COPZ2: variants seen among roughly 807,000 people sequenced by gnomAD.
The protein encoded by COPZ2 is coatomer subunit zeta-2.
A neutral mutation model predicts 33.2 loss-of-function variants in COPZ2; 30 were observed. That is an observed-to-expected ratio of 0.90 (90% CI 0.68 to 1.23). The LOEUF is 1.23. Ranked by LOEUF, COPZ2 falls within the 50% of genes most tolerant of loss-of-function variation. The pLI is 0.00. For synonymous variants in COPZ2, 89 were observed against 102.6 expected (o/e 0.87, Z 0.80); for missense variants, 263 against 262.4 (o/e 1.00, Z -0.02).
Position 48,037,061 on chromosome 17 carries a change from C to A in COPZ2, c.112-136G>T. Reference sequence around the variant, plus strand: ...CTCAAGGTCCACAGCTGGTTCTGCCCAGCCCTGTGCCACATGGGCCAACCC... The same window carrying A: ...CTCAAGGTCCACAGCTGGTTCTGCCAAGCCCTGTGCCACATGGGCCAACCC... On this transcript the variant is annotated intron_variant, in intron 1 of 8. Transcript: ENST00000621465. The surrounding 1 kb of genome is among the most constrained non-coding windows in gnomAD (Gnocchi z 5.6). 1 of 846,454 alleles carries A rather than the reference C, an allele frequency of 1.2e-6. No individual in the cohort carries two copies. The highest frequency in any genetic ancestry group is 1.4e-5 in the South Asian group (1 of 71,286). 52.4% of individuals were successfully genotyped at this position (846,454 alleles called of 1,614,324 possible).
At chr17:48,042,219 C>T (rs58844347), upstream of COPZ2, among the ~76,000 whole-genome samples, 46 of 150,218 alleles carry the variant, frequency 3.1e-4, no homozygotes, top group East Asian at 7.5e-3. Flanking sequence ...CTGCAATCTC[C>T]GCCTCCCAGG....
intron 6 of COPZ2, chr17:48,031,908 G>C (rs1209141025): frequency 3.6e-6 from 2 of 554,984 alleles, no homozygotes; most frequent in Middle Eastern, 4.0e-4. Context: ...CTATTCAACA[G>C]TCTCCCATAG....
At position 48,037,635 on chromosome 17, in the gene COPZ2, G is replaced by T; in HGVS notation, c.111+32C>A. 2 of 1,074,528 alleles carry T rather than the reference G, an allele frequency of 1.9e-6. No homozygotes were observed. Among genetic ancestry groups the T allele is most frequent in the Non-Finnish European group, 1.1e-6 (1 of 887,814 alleles). 66.6% of individuals were successfully genotyped at this position (1,074,528 alleles called of 1,614,324 possible). On this transcript the variant is annotated intron_variant, in intron 1 of 8. Coordinates refer to ENST00000621465, the MANE Select transcript of COPZ2 (RefSeq NM_016429.4). This position sits in a 1 kb window ranked among gnomAD's most constrained non-coding sequence, Gnocchi z 5.6. ...GCTCTGTCCCTGCCCAGCTCCCGCCGCCCGGGATCCCCGCGCCCGCCCGCT... is the reference window on the plus strand; with the variant it reads ...GCTCTGTCCCTGCCCAGCTCCCGCCTCCCGGGATCCCCGCGCCCGCCCGCT...
At chr17:48,037,969 C>T (rs547406808), upstream of COPZ2, 76 of 615,038 alleles carry the variant, frequency 1.2e-4, no homozygotes, top group African/African-American at 1.5e-3. The surrounding 1 kb of genome is among the most constrained non-coding windows in gnomAD (Gnocchi z 5.6). Flanking sequence ...TCCTCTCCCT[C>T]TCTCCTCCTT....
Position 48,028,986 on chromosome 17 carries a change from C to T in COPZ2, c.546+139G>A. ...CACCCAGAAACTGCTGCTCATCTCA[C>T]CCCTAACAAGTGTGTCAGCCCAGTG... On this transcript the variant is annotated intron_variant, in intron 7 of 8. Transcript: ENST00000621465. This position sits in a 1 kb window ranked among gnomAD's most constrained non-coding sequence, Gnocchi z 4.5. The T allele has an allele frequency of 1.4e-6, 1 of 725,314 alleles. No individual in the cohort carries two copies. Among genetic ancestry groups the T allele is most frequent in the East Asian group, 2.8e-5 (1 of 35,808 alleles). The allele number at this position is 725,314 out of a possible 1,614,324, so 44.9% of individuals were successfully genotyped here.
In COPZ2 at chr17:48,033,328, C is replaced by T. The variant is rs375107752; in HGVS notation, c.269-26G>A. 24 of 1,442,902 alleles carry T rather than the reference C, an allele frequency of 1.7e-5. No homozygotes were observed. In the African/African-American group the frequency reaches 3.2e-4, roughly 19 times the overall value. The allele number at this position is 1,442,902 out of a possible 1,614,324, so 89.4% of individuals were successfully genotyped here. On this transcript the variant is annotated intron_variant, in intron 3 of 8. Transcript: ENST00000621465. ...CTAGAAGTGGAGGGAGCTTTCAGTC[C>T]TGGCCACCTTGCCTGGTCCTAGCCT...
In COPZ2 at chr17:48,032,756, T is replaced by G. The variant is rs1567741449; in HGVS notation, c.361-15A>C. 1 of 1,583,840 alleles carries G rather than the reference T, an allele frequency of 6.3e-7. No homozygotes were observed. Among genetic ancestry groups the G allele is most frequent in the Admixed American group, 1.8e-5 (1 of 55,436 alleles). On this transcript the variant is annotated splice_polypyrimidine_tract_variant and intron_variant, in intron 4 of 8. Transcript: ENST00000621465. The stretch of plus-strand genomic sequence containing the variant: ...ATGAGCATCAGCTGGGATGGGCAGA[T>G]ACGGGAGGAGGAAAAGGAGAGTTTG...
At chr17:48,041,348 A>G (rs370100183), upstream of COPZ2, among the ~76,000 whole-genome samples, 112 of 152,290 alleles carry the variant, frequency 7.4e-4, 2 homozygotes, top group South Asian at 0.022. Flanking sequence ...ACACAAATAA[A>G]TGGGAAAAGT....
intron 2 of COPZ2, among the ~76,000 whole-genome samples, chr17:48,036,064 A>G (rs1317214319): frequency 6.6e-6 from 1 of 152,170 alleles, no homozygotes; most frequent in Non-Finnish European, 1.5e-5. Flanking sequence ...CTTATAATGC[A>G]TTTCATAGCT....
At chr17:48,038,184 G>A (rs1297489967), upstream of COPZ2, among the ~76,000 whole-genome samples, 1 of 152,090 alleles carries the variant, frequency 6.6e-6, no homozygotes, top group Admixed American at 6.6e-5. Context: ...GGACAAATAC[G>A]TCAGGTCACC....
chr17:48,031,076 C>A (rs956679337), intron 6 of COPZ2, among the ~76,000 whole-genome samples: 1 of 152,130 alleles, frequency 6.6e-6, no homozygotes, highest in Non-Finnish European at 1.5e-5. Flanking sequence ...AGACCTCCGG[C>A]GTGTCACTTG....
At chr17:48,041,330 G>T (rs1295862630), upstream of COPZ2, among the ~76,000 whole-genome samples, 1 of 152,116 alleles carries the variant, frequency 6.6e-6, no homozygotes, top group Non-Finnish European at 1.5e-5. Context: ...TTCTGTGCAA[G>T]ATATAATACA....
At chr17:48,029,064 CT>C in intron 7 of COPZ2, 60 bp downstream of exon 7, 1 of 1,480,380 alleles carries the variant, frequency 6.8e-7, no homozygotes, top group South Asian at 1.2e-5. Context: ...CCTAGCAGCC[CT>C]ATTCCCAGGG....
At chr17:48,041,628 G>GAACA (rs1335169494), upstream of COPZ2, among the ~76,000 whole-genome samples, 1 of 152,126 alleles carries the variant, frequency 6.6e-6, no homozygotes, top group Non-Finnish European at 1.5e-5. Context: ...TTATAATAGG[G>GAACA]AACATAATGA....
chr17:48,036,803 G>A (rs762503541), intron 2 of COPZ2, 48 bp downstream of exon 2: 2 of 1,560,982 alleles, frequency 1.3e-6, no homozygotes, highest in Non-Finnish European at 1.8e-6. Flanking sequence ...AGACAGGAGT[G>A]TCAGCTGAGT....
chr17:48,033,071 G>A (rs1469147270), intron 4 of COPZ2, 140 bp downstream of exon 4: 10 of 634,896 alleles, frequency 1.6e-5, no homozygotes, highest in Non-Finnish European at 2.5e-5. Flanking sequence ...AACCCTTCTG[G>A]CTGCCCTCCT....
rs949102954 is a variant in COPZ2 at position 48,028,130 on chromosome 17, C to A, written c.585+342G>T. ...GTTTCGGTAGAGGGCGCATCAGAGG[C>A]CTGAGTTCCCAGATTTTTGGGGTGC... On this transcript the variant is annotated intron_variant, in intron 8 of 8. Coordinates refer to ENST00000621465, the MANE Select transcript of COPZ2 (RefSeq NM_016429.4). This position sits in a 1 kb window ranked among gnomAD's most constrained non-coding sequence, Gnocchi z 4.5. Among the ~76,000 whole-genome samples, 2 of 152,134 alleles carry A rather than the reference C, an allele frequency of 1.3e-5. No homozygotes were observed. The highest frequency in any genetic ancestry group is 4.8e-5 in the African/African-American group (2 of 41,426).
chr17:48,031,612 C>T (rs1338326476), intron 6 of COPZ2: 1 of 153,300 alleles, frequency 6.5e-6, no homozygotes, highest in Non-Finnish European at 1.5e-5. Flanking sequence ...CAATAGGAGG[C>T]AACATCTATT....
chr17:48,027,082 A>T (rs1337722777), intron 8 of COPZ2, among the ~76,000 whole-genome samples: 1 of 152,090 alleles, frequency 6.6e-6, no homozygotes, highest in African/African-American at 2.4e-5. Flanking sequence ...CCCTCCAGCC[A>T]CTCAGCCTTA....
Sources: gnomAD v4.1 joint callset for allele counts (sites outside exome capture counted in the v4.1 genomes callset) on GRCh38, gnomAD v4.1.1 for gene constraint, Gnocchi (gnomAD v3.1) non-coding constraint, MANE v1.5 for transcripts, NCBI Gene and HGNC (gene_info 2026-07-23, HGNC 2026-07-21) for gene names.